Variants in DIP2A observed in about 807,000 individuals in gnomAD.
The protein encoded by DIP2A is DIP2 acetate--CoA ligase A.
DIP2A carries 85 observed loss-of-function variants against 177.4 expected under a neutral mutation model. The ratio of observed to expected loss-of-function variants is 0.48; its 90% confidence interval spans 0.40 to 0.57. DIP2A has a LOEUF of 0.57. Ranked by LOEUF, DIP2A falls within the 20% of genes least tolerant of loss-of-function variation. The pLI, the probability that DIP2A is intolerant of heterozygous loss-of-function variation, is 0.00. For synonymous variants in DIP2A, 886 were observed against 881.8 expected, an observed-to-expected ratio of 1.00 and a Z score of -0.08; for missense variants, 1,791 against 2,100.2, an observed-to-expected ratio of 0.85 and a Z score of 2.88.
intron 8 of DIP2A, among the ~76,000 whole-genome samples, chr21:46,516,809 G>T (rs948654425): frequency 1.3e-5 from 2 of 151,868 alleles, no homozygotes; most frequent in Non-Finnish European, 2.9e-5. Flanking sequence ...TTTCTAATCT[G>T]CTGTGAAATC....
chr21:46,533,867 T>G lies in DIP2A; in HGVS notation c.1430-137T>G, dbSNP rs1400609221. The G allele has an allele frequency of 1.1e-5, 11 of 966,012 alleles. No homozygotes were observed. In the South Asian group the frequency reaches 1.6e-4, roughly 14 times the overall value. 59.8% of individuals were successfully genotyped at this position (966,012 alleles called of 1,614,324 possible). A position where few individuals can be genotyped will look rare whatever the true frequency, so the allele number is the denominator to read the frequency against. On this transcript the variant is annotated intron_variant, in intron 11 of 37. Transcript: ENST00000417564. ...GCCGGATGTACCTTTTTAAATTATA[T>G]AAAATGAAATGAGACTAAAACTTGC...
chr21:46,529,605 GAA>G (rs111985953), intron 9 of DIP2A, among the ~76,000 whole-genome samples: 4 of 120,024 alleles, frequency 3.3e-5, no homozygotes, highest in Non-Finnish European at 3.6e-5. Flanking sequence ...GTCTCAAAGA[GAA>G]AAAAAAAAAA....
chr21:46,512,515 T>G (rs2058357766), intron 8 of DIP2A, among the ~76,000 whole-genome samples: 1 of 152,262 alleles, frequency 6.6e-6, no homozygotes, highest in Non-Finnish European at 1.5e-5. Context: ...CAGGCTAATT[T>G]GCATTTGCCT....
chr21:46,510,761 G>A (rs1281486753), intron 7 of DIP2A, among the ~76,000 whole-genome samples: 1 of 151,166 alleles, frequency 6.6e-6, no homozygotes, highest in Non-Finnish European at 1.5e-5. Context: ...CTCCCGAGTA[G>A]CTGGTACTAC....
intron 1 of DIP2A, among the ~76,000 whole-genome samples, chr21:46,481,676 A>C (rs558503618): frequency 6.6e-6 from 1 of 152,188 alleles, no homozygotes; most frequent in Admixed American, 6.5e-5. Flanking sequence ...GTGGTATCTC[A>C]TTATGGTTTT....
intron 8 of DIP2A, among the ~76,000 whole-genome samples, chr21:46,515,812 A>G (rs1017688500): frequency 1.3e-5 from 2 of 152,136 alleles, no homozygotes; most frequent in African/African-American, 4.8e-5. Context: ...CTGGGATTAC[A>G]GGCGTGAGCT....
At chr21:46,509,894 C>G (rs1378785084) in intron 7 of DIP2A, among the ~76,000 whole-genome samples, 3 of 152,148 alleles carry the variant, frequency 2.0e-5, no homozygotes, top group African/African-American at 7.2e-5. Context: ...ACTCGCAGAC[C>G]TTGGCTGTTT....
At chr21:46,474,807 T>G (rs1005427817) in intron 1 of DIP2A, among the ~76,000 whole-genome samples, 9 of 152,122 alleles carry the variant, frequency 5.9e-5, no homozygotes, top group Non-Finnish European at 1.3e-4. Context: ...GAAAAGGAAT[T>G]CATAGTCTAG....
At chr21:46,509,148 G>A in intron 6 of DIP2A, 109 bp from the exon 7 acceptor site, 2 of 1,238,012 alleles carry the variant, frequency 1.6e-6, no homozygotes, top group Non-Finnish European at 2.1e-6. Context: ...ACACTTGGAT[G>A]GATTTGTAAG....
chr21:46,474,423 A>AT (rs906500786), intron 1 of DIP2A, among the ~76,000 whole-genome samples: 2 of 151,994 alleles, frequency 1.3e-5, no homozygotes, highest in Non-Finnish European at 2.9e-5. Context: ...CTAGGAAAAA[A>AT]CTCTGAGGAA....
intron 21 of DIP2A, among the ~76,000 whole-genome samples, chr21:46,547,566 C>T (rs1204209554): frequency 2.6e-5 from 4 of 151,984 alleles, no homozygotes; most frequent in African/African-American, 9.7e-5. Context: ...TTCTTCTACT[C>T]CCAAGCTCCT....
At chr21:46,543,701 C>T (rs1364994420) in intron 18 of DIP2A, among the ~76,000 whole-genome samples, 2 of 152,252 alleles carry the variant, frequency 1.3e-5, no homozygotes, top group African/African-American at 4.8e-5. Context: ...GTGTTCACTA[C>T]TGTATCAAGT....
chr21:46,527,525 C>T (rs145115022), intron 8 of DIP2A, among the ~76,000 whole-genome samples: 8 of 152,020 alleles, frequency 5.3e-5, no homozygotes, highest in South Asian at 4.2e-4. Context: ...AGGGTTTCAC[C>T]GTGTTGACCA....
At position 46,538,091 on chromosome 21, in the gene DIP2A, G is replaced by A. The variant is rs147798822; in HGVS notation, c.1802-392G>A. 2.9e-4 allele frequency among the ~76,000 whole-genome samples: 44 copies of A among 152,244 alleles called. 1 individual carries two copies. The East Asian group carries it at 8.3e-3, about 29-fold the overall frequency. ...GATTCCACATGCTAGCCAGTGCAGGGGCCAGACTGAGGCCTGAGACCATCT... is the reference window on the plus strand; with the variant it reads ...GATTCCACATGCTAGCCAGTGCAGGAGCCAGACTGAGGCCTGAGACCATCT... On this transcript the variant is annotated intron_variant, in intron 15 of 37. Coordinates refer to ENST00000417564, the MANE Select transcript of DIP2A (RefSeq NM_015151.4).
At position 46,541,759 on chromosome 21, in the gene DIP2A, A is replaced by G; in HGVS notation, c.2040A>G (p.Pro680=). The change falls in exon 18 of 38, where the codon CCA becomes CCG. Residue 680 remains proline (P), a synonymous_variant. Coordinates refer to ENST00000417564, the MANE Select transcript of DIP2A (RefSeq NM_015151.4). The part of the protein sequence containing the change: ...PEALTVAIRR[P]PDLGGPPPRK... ...CCATGGTGGTTTTATTTTCTAGGCC[A>G]CCTGATCTGGGAGGACCACCTCCAA... is the stretch of plus-strand genomic sequence containing the variant. The G allele has an allele frequency of 6.2e-7, 1 of 1,613,840 alleles. No individual in the cohort carries two copies. The highest frequency in any genetic ancestry group is 8.5e-7 in the Non-Finnish European group (1 of 1,179,838).
downstream of DIP2A, among the ~76,000 whole-genome samples, chr21:46,574,051 AC>A (rs2060980984): frequency 6.6e-6 from 1 of 152,216 alleles, no homozygotes; most frequent in Non-Finnish European, 1.5e-5. Flanking sequence ...AAAATAGAAT[AC>A]ACATTCTTCT....
downstream of DIP2A, among the ~76,000 whole-genome samples, chr21:46,571,337 C>T (rs532237089): frequency 6.6e-6 from 1 of 152,206 alleles, no homozygotes; most frequent in African/African-American, 2.4e-5. Flanking sequence ...GACTGCTGCT[C>T]AATAAGATTA....
chr21:46,559,096 CAAAAAAAAAAAAAAAA>C (rs58469641), intron 32 of DIP2A: 1 of 56,718 alleles, frequency 1.8e-5, no homozygotes, highest in Non-Finnish European at 3.0e-5. Flanking sequence ...GACCCTGTCT[CAAAAAAAAAAAAAAAA>C]AAAAAAAAAA....
intron 13 of DIP2A, among the ~76,000 whole-genome samples, chr21:46,535,206 A>G (rs1443793914): frequency 6.6e-6 from 1 of 152,254 alleles, no homozygotes; most frequent in Non-Finnish European, 1.5e-5. Flanking sequence ...TTGATAAAGT[A>G]TAGTCAGCAC....
Sources: allele counts gnomAD v4.1 joint callset (sites outside exome capture counted in the v4.1 genomes callset), GRCh38; gene constraint gnomAD v4.1.1; transcripts MANE v1.5; gene names NCBI Gene and HGNC (gene_info 2026-07-23, HGNC 2026-07-21).